The following NBEAL1 variants were observed in gnomAD, a reference collection of about 807,000 sequenced individuals.
NBEAL1 encodes neurobeachin like 1, also known as neurobeachin-like protein 1.
In NBEAL1, 273 loss-of-function variants were observed where a neutral mutation model predicts 351.3. The observed-to-expected ratio is 0.78, with a 90% CI of 0.70 to 0.86. NBEAL1 has a LOEUF of 0.86. Among genes scored for constraint, NBEAL1 ranks in the 40% least tolerant of loss-of-function variants. The pLI, the probability that NBEAL1 is intolerant of heterozygous loss-of-function variation, is 0.00. For missense variants in NBEAL1, 2,961 were observed against 3,201.3 expected, an observed-to-expected ratio of 0.92 and a Z score of 1.81; for synonymous variants, 1,050 against 1,086.4, an observed-to-expected ratio of 0.97 and a Z score of 0.66.
Position 203,041,755 on chromosome 2 carries a change from G to T in NBEAL1, c.52-10G>T. 6.5e-7 allele frequency: 1 copy of T among 1,540,814 alleles called. No individual in the cohort carries two copies. Among genetic ancestry groups the T allele is most frequent in the Non-Finnish European group, 8.8e-7 (1 of 1,138,438 alleles). ...GCATACTTAATATTATAATGGTTTT[G>T]TTATTTCAGAAAGATCCAGATTACC... is the stretch of plus-strand genomic sequence containing the variant. On this transcript the variant is annotated splice_polypyrimidine_tract_variant and intron_variant, in intron 2 of 55. Coordinates refer to ENST00000683969, the MANE Select transcript of NBEAL1 (RefSeq NM_001378026.1).
At chr2:203,066,969 G>A (rs1197359090) in intron 6 of NBEAL1, among the ~76,000 whole-genome samples, 13 of 150,056 alleles carry the variant, frequency 8.7e-5, no homozygotes, top group Admixed American at 2.6e-4. Context: ...CTTACCAGGC[G>A]GGGCGGCCGG....
chr2:203,064,348 C>T (rs1028971022), intron 6 of NBEAL1, among the ~76,000 whole-genome samples: 9 of 152,056 alleles, frequency 5.9e-5, no homozygotes, highest in East Asian at 5.8e-4. Flanking sequence ...CCACTGCGCC[C>T]GGCCATGTGT....
chr2:203,111,258 C>G (rs2062565310), intron 15 of NBEAL1, among the ~76,000 whole-genome samples: 1 of 152,064 alleles, frequency 6.6e-6, no homozygotes, highest in African/African-American at 2.4e-5. Context: ...CTGTAGTGAG[C>G]TATGATTATG....
At chr2:203,147,490 A>G (rs904506156) in intron 33 of NBEAL1, among the ~76,000 whole-genome samples, 1 of 152,084 alleles carries the variant, frequency 6.6e-6, no homozygotes, top group Admixed American at 6.5e-5. Flanking sequence ...TATGCCAAAA[A>G]CTAAAAAACA....
At chr2:203,168,792 G>A (rs1368460084) in intron 38 of NBEAL1, among the ~76,000 whole-genome samples, 1 of 150,350 alleles carries the variant, frequency 6.7e-6, no homozygotes, top group African/African-American at 2.5e-5. Context: ...TACTCGAGAG[G>A]CTGAGGTAGG....
chr2:203,061,183 C>T (rs1375260463), intron 6 of NBEAL1: 1 of 152,174 alleles, frequency 6.6e-6, no homozygotes, highest in Non-Finnish European at 1.5e-5. Context: ...ATTGTGAACC[C>T]TTTTATGTCC....
At chr2:203,040,616 A>G (rs891793858) in intron 2 of NBEAL1, 2 of 676,622 alleles carry the variant, frequency 3.0e-6, no homozygotes, top group Non-Finnish European at 2.7e-6. Flanking sequence ...CTGACAGACA[A>G]CACAGTGATT....
At chr2:203,108,940 G>T (rs2062501151) in intron 14 of NBEAL1, among the ~76,000 whole-genome samples, 1 of 152,156 alleles carries the variant, frequency 6.6e-6, no homozygotes, top group Admixed American at 6.5e-5. Context: ...CCAGCTACTT[G>T]GAAGGCTGAA....
At chr2:203,079,436 C>T (rs2061834534) in intron 8 of NBEAL1, among the ~76,000 whole-genome samples, 1 of 152,094 alleles carries the variant, frequency 6.6e-6, no homozygotes, top group African/African-American at 2.4e-5. Context: ...TACATTTAAA[C>T]TTGAAGGAAA....
chr2:203,034,347 CAG>C lies in NBEAL1; in HGVS notation c.52-7417_52-7416del, dbSNP rs535650669. On this transcript the variant is annotated intron_variant, in intron 2 of 55. Transcript: ENST00000683969. Reference sequence around the variant, plus strand: ...TAATTTTTTGTATTTTTAGTAGAGACAGGGTTTCACCATGTTGGCCAGGATAG... The same window carrying C: ...TAATTTTTTGTATTTTTAGTAGAGACGGTTTCACCATGTTGGCCAGGATAG... 4.9e-3 allele frequency among the ~76,000 whole-genome samples: 735 copies of C among 150,588 alleles called. 10 individuals are homozygous for C. The highest frequency in any genetic ancestry group is 0.017 in the African/African-American group (695 of 41,090).
Position 203,149,065 on chromosome 2 carries a change from TAGC to T in NBEAL1, c.5382_5384del (p.Ser1795del). ...GGTATAATAATATGCTTAAACAACTTAGCAGTCAACAGTTAGCCACTCTTAGAC... is the reference window on the plus strand; with the variant it reads ...GGTATAATAATATGCTTAAACAACTTAGTCAACAGTTAGCCACTCTTAGAC... On this transcript the variant is annotated inframe_deletion, in exon 34 of 56. Coordinates refer to ENST00000683969, the MANE Select transcript of NBEAL1 (RefSeq NM_001378026.1). 1 of 1,613,272 alleles carries T rather than the reference TAGC, an allele frequency of 6.2e-7. No individual in the cohort carries two copies.
At chr2:203,025,237 G>A (rs1295644410) in intron 2 of NBEAL1, among the ~76,000 whole-genome samples, 3 of 152,196 alleles carry the variant, frequency 2.0e-5, no homozygotes, top group African/African-American at 7.2e-5. Flanking sequence ...CAATCCAAAT[G>A]TGACCTTTGA....
rs781681936 is a variant in NBEAL1, at chr2:203,036,048, A to G, written c.52-5717A>G. Reference sequence around the variant, plus strand: ...GACTTGTTTAAGAAAGTAACAGAGCAGGGATTAGAGTCCAAGTAATTTGGC... The same window carrying G: ...GACTTGTTTAAGAAAGTAACAGAGCGGGGATTAGAGTCCAAGTAATTTGGC... On this transcript the variant is annotated intron_variant, in intron 2 of 55. Transcript: ENST00000683969. 4.6e-4 allele frequency among the ~76,000 whole-genome samples: 69 copies of G among 149,370 alleles called. 7 individuals carry two copies. Among genetic ancestry groups the G allele is most frequent in the Non-Finnish European group, 8.9e-4 (59 of 66,556 alleles).
chr2:203,015,023 G>T (rs2060653184), intron 1 of NBEAL1, 41 bp downstream of exon 1: 2 of 152,632 alleles, frequency 1.3e-5, no homozygotes, highest in South Asian at 4.1e-4. Flanking sequence ...GGAAGAGGGG[G>T]CGGCATGGCA....
At position 203,107,632 on chromosome 2, in the gene NBEAL1, G is replaced by T. The variant is rs199896160; in HGVS notation, c.1393G>T (p.Val465Phe). ...GGCTGTAGAGGGTGACCACACTTCA[G>T]TTGGGATTTTGGGCATTAGTAATGT... ...NMAVEGDHTSVGILGISNVQP... is the reference protein window; with the variant it reads ...NMAVEGDHTSFGILGISNVQP... Residue 465 changes from valine (V) to phenylalanine (F), a missense_variant, in exon 14 of 56, where the codon GTT (valine) becomes TTT (phenylalanine). Physicochemically the swap from Val to Phe is conservative, Grantham distance 50. Coordinates refer to ENST00000683969, the MANE Select transcript of NBEAL1 (RefSeq NM_001378026.1). 2 of 1,552,132 alleles carry T rather than the reference G, an allele frequency of 1.3e-6. No individual in the cohort carries two copies. Among genetic ancestry groups the T allele is most frequent in the Admixed American group, 2.0e-5 (1 of 50,992 alleles).
chr2:203,127,707 G>A, intron 23 of NBEAL1, 74 bp from the exon 24 acceptor site: 7 of 951,356 alleles, frequency 7.4e-6, no homozygotes, highest in Non-Finnish European at 1.1e-5. Context: ...GGGCAACAGA[G>A]CGAGACTCCA....
intron 4 of NBEAL1, chr2:203,052,492 T>C (rs2061339723): frequency 6.6e-6 from 1 of 152,308 alleles, no homozygotes; most frequent in Admixed American, 6.5e-5. Context: ...ATACAGAATG[T>C]AGCCTTTTCA....
rs1337304730 is a variant in NBEAL1, at chr2:203,057,471, T to C, written c.515+18T>C. ...ATTTCAGGGTATGTCTTATAAATAA[T>C]AACGTTCATTTAAAACCTGAATGTC... On this transcript the variant is annotated intron_variant, in intron 6 of 55. Coordinates refer to ENST00000683969, the MANE Select transcript of NBEAL1 (RefSeq NM_001378026.1). The C allele has an allele frequency of 9.8e-6, 15 of 1,533,724 alleles. No individual in the cohort carries two copies. Among genetic ancestry groups the C allele is most frequent in the Non-Finnish European group, 9.7e-6 (11 of 1,135,664 alleles).
intron 2 of NBEAL1, among the ~76,000 whole-genome samples, chr2:203,020,164 A>G (rs2060744604): frequency 6.6e-6 from 1 of 152,158 alleles, no homozygotes; most frequent in Admixed American, 6.5e-5. Flanking sequence ...GTGATGTGCA[A>G]TTTGGTTTCT....
Sources: allele counts gnomAD v4.1 joint callset (sites outside exome capture counted in the v4.1 genomes callset), GRCh38; gene constraint gnomAD v4.1.1; transcripts MANE v1.5; gene names NCBI Gene and HGNC (gene_info 2026-07-23, HGNC 2026-07-21).